MAF: variants seen among roughly 807,000 people sequenced by gnomAD.
MAF encodes transcription factor Maf.
Under a neutral mutation model 22.0 loss-of-function variants are expected in MAF, and 10 were observed. The observed-to-expected ratio is 0.45, with a 90% CI of 0.28 to 0.77. The LOEUF is 0.77. Among genes scored for constraint, MAF ranks in the 30% least tolerant of loss-of-function variants. The pLI is 0.12. For synonymous variants in MAF, 337 were observed against 255.8 expected, an observed-to-expected ratio of 1.32 and a Z score of -3.03; for missense variants, 544 against 548.4, an observed-to-expected ratio of 0.99 and a Z score of 0.08.
chr16:79,330,969 G>A, the MAF span, among the ~76,000 whole-genome samples: 5 of 152,312 alleles, frequency 3.3e-5, no homozygotes, highest in East Asian at 9.7e-4. Context: ...CCAACCCTGT[G>A]AGTGGCGAAC....
At chr16:79,416,521 C>A in the MAF span, among the ~76,000 whole-genome samples, 2 of 146,968 alleles carry the variant, frequency 1.4e-5, no homozygotes, top group South Asian at 4.2e-4. Context: ...AAAGATCAGG[C>A]ATTTACTGTG....
chr16:79,344,904 C>A, the MAF span, among the ~76,000 whole-genome samples: 1 of 152,128 alleles, frequency 6.6e-6, no homozygotes, highest in Admixed American at 6.5e-5. Flanking sequence ...TAACTTTAAA[C>A]AAATGTATTC....
the MAF span, among the ~76,000 whole-genome samples, chr16:79,261,380 C>A: frequency 6.6e-6 from 1 of 152,078 alleles, no homozygotes; most frequent in African/African-American, 2.4e-5. Flanking sequence ...CTTGAACTCA[C>A]AACCTCAAGT....
chr16:79,260,463 CTATCTATATCTATATCTA>C, the MAF span, among the ~76,000 whole-genome samples: 13 of 145,412 alleles, frequency 8.9e-5, no homozygotes, highest in East Asian at 4.1e-4. Context: ...ATGTATCTAT[CTATCTATATCTATATCTA>C]TATCTATATC....
the MAF span, among the ~76,000 whole-genome samples, chr16:79,313,878 A>C: frequency 6.6e-6 from 1 of 152,290 alleles, no homozygotes; most frequent in Non-Finnish European, 1.5e-5. Flanking sequence ...GGAAAGTCTC[A>C]CAAACTTTCT....
At chr16:79,500,690 G>A in the MAF span, among the ~76,000 whole-genome samples, 10 of 152,090 alleles carry the variant, frequency 6.6e-5, no homozygotes, top group East Asian at 1.9e-4. Flanking sequence ...TCTAGGACTC[G>A]TCTCTGGGAA....
rs778031144 is a variant in MAF at position 79,598,773 on chromosome 16, T to G, written c.1118+12A>C. The G allele has an allele frequency of 1.2e-6, 2 of 1,613,684 alleles. No individual in the cohort carries two copies. Among genetic ancestry groups the G allele is most frequent in the East Asian group, 2.2e-5 (1 of 44,806 alleles). On this transcript the variant is annotated intron_variant, in intron 1 of 1. Transcript: ENST00000326043. The stretch of plus-strand genomic sequence containing the variant: ...ATCAGGGTGGCTAGCTGGAATCGCG[T>G]GTCAGACTCACATGAAAAACTCGGG...
At chr16:79,420,615 G>A in the MAF span, among the ~76,000 whole-genome samples, 8 of 152,126 alleles carry the variant, frequency 5.3e-5, no homozygotes, top group African/African-American at 1.7e-4. Flanking sequence ...TTACCGCCCA[G>A]AGTTTCATCA....
the MAF span, among the ~76,000 whole-genome samples, chr16:79,574,955 T>C: frequency 6.6e-6 from 1 of 151,886 alleles, no homozygotes; most frequent in Non-Finnish European, 1.5e-5. Flanking sequence ...TTTCAGTAGA[T>C]AACTGTGTCC....
At chr16:79,202,880 G>A in the MAF span, 1 of 152,202 alleles carries the variant, frequency 6.6e-6, no homozygotes, top group Non-Finnish European at 1.5e-5. Context: ...CAGTAGATGA[G>A]TAGTCAGCAC....
chr16:79,355,581 G>A, the MAF span, among the ~76,000 whole-genome samples: 24 of 152,150 alleles, frequency 1.6e-4, no homozygotes, highest in African/African-American at 4.6e-4. Context: ...CATGGAGAAC[G>A]TCCTATCTCC....
the MAF span, among the ~76,000 whole-genome samples, chr16:79,353,249 C>T: frequency 1.3e-5 from 2 of 152,166 alleles, no homozygotes; most frequent in African/African-American, 4.8e-5. Flanking sequence ...AGCCTCCTGC[C>T]TCCCAAGTAG....
the MAF span, among the ~76,000 whole-genome samples, chr16:79,444,068 A>G: frequency 6.6e-6 from 1 of 152,186 alleles, no homozygotes; most frequent in Non-Finnish European, 1.5e-5. Flanking sequence ...GTAAACCATC[A>G]TTTTTGAAAG....
At chr16:79,422,335 G>C in the MAF span, among the ~76,000 whole-genome samples, 10 of 152,320 alleles carry the variant, frequency 6.6e-5, no homozygotes, top group Admixed American at 5.9e-4. Context: ...GCACGGGCCA[G>C]AGGTTTTCTT....
At chr16:79,330,556 G>A in the MAF span, among the ~76,000 whole-genome samples, 1 of 152,164 alleles carries the variant, frequency 6.6e-6, no homozygotes, top group Non-Finnish European at 1.5e-5. Context: ...AGGAGATACT[G>A]GGCCACCCAC....
the MAF span, among the ~76,000 whole-genome samples, chr16:79,265,832 AC>A: frequency 6.6e-6 from 1 of 152,178 alleles, no homozygotes; most frequent in East Asian, 1.9e-4. Context: ...CTTTGGGGCT[AC>A]TACCAAATGA....
chr16:79,348,941 T>C, the MAF span, among the ~76,000 whole-genome samples: 9 of 152,308 alleles, frequency 5.9e-5, no homozygotes, highest in East Asian at 1.5e-3. Context: ...TCTGGTGAAG[T>C]TGATTCTACA....
At chr16:79,226,794 A>T in the MAF span, among the ~76,000 whole-genome samples, 1 of 152,046 alleles carries the variant, frequency 6.6e-6, no homozygotes, top group Admixed American at 6.6e-5. Flanking sequence ...AAAAAGTAAA[A>T]TTTAGAAAAA....
chr16:79,443,289 T>C, the MAF span, among the ~76,000 whole-genome samples: 2 of 152,106 alleles, frequency 1.3e-5, no homozygotes, highest in Admixed American at 6.5e-5. Flanking sequence ...GGGAAGAGAC[T>C]TCAAAGTGTC....
Sources: gnomAD v4.1 joint callset for allele counts (sites outside exome capture counted in the v4.1 genomes callset) on GRCh38, gnomAD v4.1.1 for gene constraint, MANE v1.5 for transcripts, NCBI Gene and HGNC (gene_info 2026-07-23, HGNC 2026-07-21) for gene names.